The following MTSS1 variants were observed in gnomAD, a reference collection of about 807,000 sequenced individuals.
MTSS1 encodes MTSS I-BAR domain containing 1.
A neutral mutation model predicts 79.0 loss-of-function variants in MTSS1; 18 were observed. That is an observed-to-expected ratio of 0.23 (90% CI 0.16 to 0.34). The LOEUF is 0.34. MTSS1 is among the 10% of genes least tolerant of loss of function. MTSS1 has a pLI of 1.00. For synonymous variants in MTSS1, 341 were observed against 368.6 expected (o/e 0.93, Z 0.86); for missense variants, 815 against 986.2 (o/e 0.83, Z 2.33).
chr8:124,684,914 T>G (rs1423890743), intron 3 of MTSS1, among the ~76,000 whole-genome samples: 1 of 152,200 alleles, frequency 6.6e-6, no homozygotes, highest in Non-Finnish European at 1.5e-5. Context: ...AGAAGATGTA[T>G]TTGGCCCCTA....
chr8:124,690,778 G>A (rs1046843164), intron 3 of MTSS1, among the ~76,000 whole-genome samples: 8 of 152,120 alleles, frequency 5.3e-5, no homozygotes, highest in African/African-American at 9.7e-5. Flanking sequence ...CTAAATATAC[G>A]TACTTGCCCG....
chr8:124,615,365 C>G (rs915177472), intron 3 of MTSS1, among the ~76,000 whole-genome samples: 1 of 152,122 alleles, frequency 6.6e-6, no homozygotes, highest in Non-Finnish European at 1.5e-5. Flanking sequence ...TAAACATATA[C>G]ATACAATGGA....
intron 3 of MTSS1, among the ~76,000 whole-genome samples, chr8:124,650,498 G>T (rs1374763647): frequency 6.6e-6 from 1 of 151,728 alleles, no homozygotes; most frequent in Non-Finnish European, 1.5e-5. Context: ...TCCTGAGAAC[G>T]TGCTAAGATA....
chr8:124,608,277 A>C (rs1213212460), intron 3 of MTSS1, among the ~76,000 whole-genome samples: 4 of 152,212 alleles, frequency 2.6e-5, no homozygotes, highest in Non-Finnish European at 4.4e-5. Flanking sequence ...TGCAGATAAG[A>C]ATAACTACCA....
chr8:124,592,363 C>G (rs56669357), intron 3 of MTSS1, among the ~76,000 whole-genome samples: 1 of 152,128 alleles, frequency 6.6e-6, no homozygotes, highest in Non-Finnish European at 1.5e-5. Context: ...ATGAACATTA[C>G]GAAAACACTG....
In MTSS1 at chr8:124,717,290, G is replaced by A. The variant is rs191949405; in HGVS notation, c.72+10594C>T. On this transcript the variant is annotated intron_variant, in intron 1 of 13. Transcript: ENST00000518547. The stretch of plus-strand genomic sequence containing the variant: ...GCAGATCACTTGAGATTAGGAGTTC[G>A]AGACCAGCCTGGCCAACATGACAAA... 3.0e-4 allele frequency among the ~76,000 whole-genome samples: 46 copies of A among 151,974 alleles called. 1 individual carries two copies. In the East Asian group the frequency reaches 7.7e-3, roughly 26 times the overall value.
chr8:124,609,199 A>G (rs1007399348), intron 3 of MTSS1, among the ~76,000 whole-genome samples: 2 of 152,164 alleles, frequency 1.3e-5, no homozygotes, highest in Non-Finnish European at 2.9e-5. Flanking sequence ...TTGCACCACT[A>G]AAGGACACAG....
chr8:124,697,246 A>G (rs1314814538), intron 3 of MTSS1, among the ~76,000 whole-genome samples: 3 of 136,882 alleles, frequency 2.2e-5, no homozygotes, highest in Non-Finnish European at 5.0e-5. Flanking sequence ...AAAACAGTAG[A>G]GCAGCTTAAA....
In MTSS1 at chr8:124,622,094, G is replaced by GAGAA. The variant is rs1554678119; in HGVS notation, c.209-30863_209-30860dup. 8.5e-4 allele frequency among the ~76,000 whole-genome samples: 128 copies of GAGAA among 150,184 alleles called. 1 individual carries two copies. Among genetic ancestry groups the GAGAA allele is most frequent in the Admixed American group, 3.6e-3 (55 of 15,094 alleles). ...AGAGAGAGAGAGAGAGAGAGAGAGA[G>GAGAA]AGAATATGAATATATTTTTCAGCCT... On this transcript the variant is annotated intron_variant, in intron 3 of 13. Transcript: ENST00000518547.
intron 3 of MTSS1, among the ~76,000 whole-genome samples, chr8:124,696,041 G>A (rs1828763178): frequency 6.6e-6 from 1 of 151,890 alleles, no homozygotes. Context: ...AGGCTGGAGT[G>A]CAGTGGCGCA....
At chr8:124,629,733 CA>C (rs1476484565) in intron 3 of MTSS1, among the ~76,000 whole-genome samples, 1 of 152,108 alleles carries the variant, frequency 6.6e-6, no homozygotes, top group Non-Finnish European at 1.5e-5. Flanking sequence ...TCGTAACACA[CA>C]GAGGCCACAG....
intron 3 of MTSS1, among the ~76,000 whole-genome samples, chr8:124,679,622 G>C (rs761559596): frequency 1.3e-5 from 2 of 152,230 alleles, no homozygotes; most frequent in African/African-American, 4.8e-5. Flanking sequence ...AACATGTTCA[G>C]AGCATGTTGG....
intron 3 of MTSS1, among the ~76,000 whole-genome samples, chr8:124,613,538 T>G (rs1417131245): frequency 6.6e-6 from 1 of 152,234 alleles, no homozygotes; most frequent in African/African-American, 2.4e-5. Flanking sequence ...GTTTCATGTA[T>G]CAACTCCTAT....
intron 3 of MTSS1, among the ~76,000 whole-genome samples, chr8:124,650,470 G>A (rs989409764): frequency 6.6e-6 from 1 of 152,092 alleles, no homozygotes; most frequent in African/African-American, 2.4e-5. Context: ...CGCAGGGCAG[G>A]GACCTGACAC....
intron 3 of MTSS1, among the ~76,000 whole-genome samples, chr8:124,668,409 C>T (rs927834137): frequency 2.0e-5 from 3 of 152,162 alleles, no homozygotes; most frequent in Non-Finnish European, 2.9e-5. Context: ...CTCACATCTA[C>T]GGCAGGAATT....
At chr8:124,698,031 T>A (rs1829124549) in intron 3 of MTSS1, 2 of 152,342 alleles carry the variant, frequency 1.3e-5, no homozygotes, top group Admixed American at 1.3e-4. Flanking sequence ...ATACCAAACA[T>A]ATAGTTTCTA....
At position 124,555,649 on chromosome 8, in the gene MTSS1, G is replaced by A. The variant is rs548806121; in HGVS notation, c.1567+93C>T. On this transcript the variant is annotated intron_variant, in intron 13 of 13. Coordinates refer to ENST00000518547, the MANE Select transcript of MTSS1 (RefSeq NM_014751.6). ...TCCTGACACCTGTTAGTTAGCGAGT[G>A]GTGGGTTGTGGTTAAAATGGACCAG... 3.7e-6 allele frequency: 5 copies of A among 1,359,078 alleles called. No homozygotes were observed. The African/African-American group carries it at 7.4e-5, about 20-fold the overall frequency. 84.2% of individuals were successfully genotyped at this position (1,359,078 alleles called of 1,614,324 possible). A position where few individuals can be genotyped will look rare whatever the true frequency, so the allele number is the denominator to read the frequency against.
intron 3 of MTSS1, among the ~76,000 whole-genome samples, chr8:124,606,171 G>GTTTT (rs11351219): frequency 4.5e-5 from 4 of 88,892 alleles, no homozygotes; most frequent in Non-Finnish European, 6.8e-5. Context: ...TTGGTTTTTT[G>GTTTT]TTTTTTTTTT....
intron 3 of MTSS1, among the ~76,000 whole-genome samples, chr8:124,667,000 T>C (rs1337803260): frequency 6.6e-6 from 1 of 152,168 alleles, no homozygotes; most frequent in Non-Finnish European, 1.5e-5. Context: ...AAGGTTCAAA[T>C]GAACCCAAGA....
Sources: allele counts gnomAD v4.1 joint callset (sites outside exome capture counted in the v4.1 genomes callset), GRCh38; gene constraint gnomAD v4.1.1; transcripts MANE v1.5; gene names NCBI Gene and HGNC (gene_info 2026-07-23, HGNC 2026-07-21).